FOXP2: variants seen among roughly 807,000 people sequenced by gnomAD.
FOXP2 encodes the protein forkhead box P2, also known as forkhead box protein P2.
FOXP2 carries 12 observed loss-of-function variants against 115.8 expected under a neutral mutation model. That is an observed-to-expected ratio of 0.10 (90% confidence interval 0.07 to 0.17). The LOEUF is 0.17. Among genes scored for constraint, FOXP2 ranks in the 10% least tolerant of loss-of-function variants. The pLI, the probability that FOXP2 is intolerant of heterozygous loss-of-function variation, is 1.00. For missense variants in FOXP2, 629 were observed against 843.5 expected (o/e 0.75, Z 3.15); for synonymous variants, 328 against 297.7 (o/e 1.10, Z -1.05).
At chr7:114,115,077 A>G (rs903287261) in intron 1 of FOXP2, among the ~76,000 whole-genome samples, 7 of 151,930 alleles carry the variant, frequency 4.6e-5, no homozygotes, top group African/African-American at 1.2e-4. Context: ...CAGTCCGTCT[A>G]CTTTTTTCCA....
intron 3 of FOXP2, among the ~76,000 whole-genome samples, chr7:114,559,662 C>A (rs1800657187): frequency 6.6e-6 from 1 of 152,130 alleles, no homozygotes; most frequent in East Asian, 1.9e-4. Flanking sequence ...GCGGGCAGAT[C>A]ACGAGGTCAG....
chr7:114,672,196 TA>T lies in FOXP2; in HGVS notation c.2003+7767del, dbSNP rs539550250. ...TTGATCACACAATGTTATCTTACTA[TA>T]AAAAAATGTATATTTGCAACATTAA... is the stretch of plus-strand genomic sequence containing the variant. On this transcript the variant is annotated intron_variant, in intron 16 of 16. Coordinates refer to ENST00000350908, the MANE Select transcript of FOXP2 (RefSeq NM_014491.4). Among the ~76,000 whole-genome samples the T allele has an allele frequency of 7.9e-5, 12 of 152,284 alleles. No individual in the cohort carries two copies. The South Asian group carries it at 1.0e-3, about 13-fold the overall frequency.
intron 2 of FOXP2, among the ~76,000 whole-genome samples, chr7:114,293,470 G>C (rs1796659829): frequency 6.6e-6 from 1 of 152,162 alleles, no homozygotes; most frequent in Non-Finnish European, 1.5e-5. Context: ...CTGAGTCTAA[G>C]CCACCCAGCT....
chr7:114,258,875 A>G (rs1408528700), intron 1 of FOXP2, among the ~76,000 whole-genome samples: 9 of 152,138 alleles, frequency 5.9e-5, no homozygotes. Flanking sequence ...TTAAGGTTCC[A>G]TGGTAGGCAG....
rs79164176 is a variant in FOXP2 at position 114,463,254 on chromosome 7, G to A, written c.168+36575G>A. 18 of 214,976 alleles carry A rather than the reference G, an allele frequency of 8.4e-5. No individual in the cohort carries two copies. The Middle Eastern group carries it at 1.4e-3, about 17-fold the overall frequency. 13.3% of individuals were successfully genotyped at this position (214,976 alleles called of 1,614,324 possible). ...AATGATTAGTATATGTAGAAATTTC[G>A]GAGGAGAAAACTATATTTGAAGAAA... On this transcript the variant is annotated intron_variant, in intron 2 of 16. Coordinates refer to ENST00000350908, the MANE Select transcript of FOXP2 (RefSeq NM_014491.4).
chr7:114,208,569 C>G (rs192877560), intron 1 of FOXP2, among the ~76,000 whole-genome samples: 3 of 151,816 alleles, frequency 2.0e-5, no homozygotes, highest in East Asian at 3.9e-4. Context: ...TTGGGAGGGG[C>G]CAGGAGTGGA....
chr7:114,362,131 T>C (rs1338296816), intron 2 of FOXP2, among the ~76,000 whole-genome samples: 1 of 151,810 alleles, frequency 6.6e-6, no homozygotes, highest in Non-Finnish European at 1.5e-5. Flanking sequence ...ATGTAAAAAA[T>C]ACAATGAACT....
At chr7:114,450,058 T>C (rs1465378203) in intron 2 of FOXP2, among the ~76,000 whole-genome samples, 1 of 151,966 alleles carries the variant, frequency 6.6e-6, no homozygotes, top group Non-Finnish European at 1.5e-5. Flanking sequence ...TCTAGATTTT[T>C]AGCTAATTGC....
Position 114,418,208 on chromosome 7 carries a change from A to G in FOXP2, c.-11+2848A>G, listed in dbSNP as rs565339729. Reference sequence around the variant, plus strand: ...TGTTATGTCCTAATTGGTTACATAAATCTTGTCTGGTATGAATGAGAAATG... The same window carrying G: ...TGTTATGTCCTAATTGGTTACATAAGTCTTGTCTGGTATGAATGAGAAATG... On this transcript the variant is annotated intron_variant, in intron 1 of 16. Coordinates refer to ENST00000350908, the MANE Select transcript of FOXP2 (RefSeq NM_014491.4). Among the ~76,000 whole-genome samples, 13 of 152,060 alleles carry G rather than the reference A, an allele frequency of 8.5e-5. No homozygotes were observed. In the East Asian group the frequency reaches 1.7e-3, roughly 20 times the overall value.
At chr7:114,165,633 A>G (rs376106146) in intron 1 of FOXP2, among the ~76,000 whole-genome samples, 71 of 152,312 alleles carry the variant, frequency 4.7e-4, no homozygotes, top group African/African-American at 1.6e-3. Flanking sequence ...ATCTGAATAA[A>G]TGGAGAGATA....
intron 10 of FOXP2, chr7:114,656,492 A>G (rs1444978923): frequency 4.4e-6 from 2 of 452,426 alleles, no homozygotes; most frequent in Non-Finnish European, 4.4e-6. Flanking sequence ...CGTTTCTCAA[A>G]CTATGCAGAG....
chr7:114,340,752 T>G (rs962404037), intron 2 of FOXP2, among the ~76,000 whole-genome samples: 1 of 151,104 alleles, frequency 6.6e-6, no homozygotes, highest in Admixed American at 6.6e-5. Context: ...CTCCCTGTGA[T>G]TGCACCCCCA....
At chr7:114,318,356 T>C (rs1408487301) in intron 2 of FOXP2, among the ~76,000 whole-genome samples, 3 of 149,852 alleles carry the variant, frequency 2.0e-5, no homozygotes, top group Non-Finnish European at 4.4e-5. Context: ...GTATGTTTTC[T>C]ACTTAGCATG....
upstream of FOXP2, chr7:114,087,724 A>G (rs1166441239): frequency 2.0e-5 from 3 of 151,284 alleles, no homozygotes; most frequent in East Asian, 3.9e-4. Flanking sequence ...CGAGGCCGCA[A>G]CGCGCCCTGA....
chr7:114,170,796 G>C (rs1183504490), intron 1 of FOXP2, among the ~76,000 whole-genome samples: 1 of 152,206 alleles, frequency 6.6e-6, no homozygotes, highest in African/African-American at 2.4e-5. Context: ...GGTTCATGAG[G>C]TTAAAGGAAA....
intron 1 of FOXP2, among the ~76,000 whole-genome samples, chr7:114,092,743 A>G (rs1799568567): frequency 6.6e-6 from 1 of 152,072 alleles, no homozygotes; most frequent in Non-Finnish European, 1.5e-5. Context: ...TTTAAGAACC[A>G]TTCCTCACTA....
intron 1 of FOXP2, among the ~76,000 whole-genome samples, chr7:114,249,163 T>C (rs1174776586): frequency 6.6e-6 from 1 of 151,906 alleles, no homozygotes; most frequent in East Asian, 1.9e-4. Flanking sequence ...TGGGGAAGAG[T>C]ATTTACCATT....
intron 2 of FOXP2, among the ~76,000 whole-genome samples, chr7:114,310,480 G>A (rs1803590923): frequency 6.6e-6 from 1 of 151,916 alleles, no homozygotes; most frequent in Non-Finnish European, 1.5e-5. Flanking sequence ...TATGTCAAGT[G>A]TTAGGAGAGC....
intron 1 of FOXP2, among the ~76,000 whole-genome samples, chr7:114,257,124 A>G (rs1311679789): frequency 1.3e-5 from 2 of 152,162 alleles, no homozygotes; most frequent in Non-Finnish European, 2.9e-5. Flanking sequence ...AGAATAGAGA[A>G]CTCAGAAATA....
Sources: gnomAD v4.1 joint callset for allele counts (sites outside exome capture counted in the v4.1 genomes callset) on GRCh38, gnomAD v4.1.1 for gene constraint, MANE v1.5 for transcripts, NCBI Gene and HGNC (gene_info 2026-07-23, HGNC 2026-07-21) for gene names.